The following COX10 variants were observed in gnomAD, a reference collection of about 807,000 sequenced individuals.
The protein encoded by COX10 is protoheme IX farnesyltransferase, mitochondrial.
Under a neutral mutation model 37.3 loss-of-function variants are expected in COX10, and 27 were observed. The observed-to-expected ratio is 0.72, with a 90% CI of 0.53 to 1.00. The LOEUF (loss-of-function observed/expected upper bound fraction) is 1.00. Ranked by LOEUF, COX10 falls within the 50% of genes least tolerant of loss-of-function variation. The pLI is 0.00. For missense variants in COX10, 475 were observed against 563.2 expected (o/e 0.84, Z 1.59); for synonymous variants, 222 against 229.1 (o/e 0.97, Z 0.28).
At chr17:14,147,414 C>T (rs890914030) in intron 4 of COX10, among the ~76,000 whole-genome samples, 17 of 151,964 alleles carry the variant, frequency 1.1e-4, no homozygotes, top group Admixed American at 6.6e-4. Context: ...ACAAACATTG[C>T]GTATTCTCAC....
intron 4 of COX10, 30 bp downstream of exon 4, chr17:14,102,272 T>TGAAAA: frequency 4.3e-6 from 7 of 1,613,070 alleles, no homozygotes; most frequent in African/African-American, 1.3e-5. Context: ...CTAAATTATG[T>TGAAAA]TATTGTCACT....
intron 5 of COX10, among the ~76,000 whole-genome samples, chr17:14,178,325 C>CT (rs1307027505): frequency 1.0e-5 from 1 of 99,120 alleles, no homozygotes; most frequent in Non-Finnish European, 2.5e-5. Flanking sequence ...CTGCCAGAGT[C>CT]TAACACTTAT....
At chr17:14,106,180 C>G (rs1019377436) in intron 4 of COX10, among the ~76,000 whole-genome samples, 2 of 151,994 alleles carry the variant, frequency 1.3e-5, no homozygotes, top group African/African-American at 4.8e-5. Flanking sequence ...CCGTGCCCAC[C>G]TAATTTTTGT....
rs36094568 is a variant in COX10, at chr17:14,186,985, G to GTTT, written c.696-4994_696-4992dup. 8.3e-3 allele frequency among the ~76,000 whole-genome samples: 1,232 copies of GTTT among 148,808 alleles called. 18 individuals are homozygous for GTTT. The highest frequency in any genetic ancestry group is 0.029 in the African/African-American group (1,159 of 40,502). On this transcript the variant is annotated intron_variant, in intron 5 of 6. Coordinates refer to ENST00000261643, the MANE Select transcript of COX10 (RefSeq NM_001303.4). Reference sequence around the variant, plus strand: ...CTCAGTAAACTTGTCTTATTTTAAGGTTTTTTTTTTTTAAGAAACTCAATA... The same window carrying GTTT: ...CTCAGTAAACTTGTCTTATTTTAAGGTTTTTTTTTTTTTTTAAGAAACTCAATA...
chr17:14,200,338 C>T (rs538437092), intron 6 of COX10, among the ~76,000 whole-genome samples: 2 of 152,270 alleles, frequency 1.3e-5, no homozygotes, highest in South Asian at 4.1e-4. Flanking sequence ...CGATTCTCCT[C>T]CAGTCTGTAT....
intron 4 of COX10, among the ~76,000 whole-genome samples, chr17:14,127,555 T>C (rs1170833311): frequency 6.6e-6 from 1 of 152,184 alleles, no homozygotes; most frequent in Non-Finnish European, 1.5e-5. Context: ...AAAATTCAAG[T>C]GCAGTTAATG....
intron 4 of COX10, among the ~76,000 whole-genome samples, chr17:14,119,141 T>C (rs1916175638): frequency 6.6e-6 from 1 of 152,186 alleles, no homozygotes; most frequent in African/African-American, 2.4e-5. Context: ...TTTGCTCATA[T>C]GCAGAGTGTG....
Position 14,191,232 on chromosome 17 carries a change from AT to A in COX10, c.696-756del, listed in dbSNP as rs533262598. 2.5e-4 allele frequency among the ~76,000 whole-genome samples: 38 copies of A among 151,946 alleles called. No homozygotes were observed. The South Asian group carries it at 7.8e-3, about 31-fold the overall frequency. On this transcript the variant is annotated intron_variant, in intron 5 of 6. Coordinates refer to ENST00000261643, the MANE Select transcript of COX10 (RefSeq NM_001303.4). ...GTTGGCTCTTTTGAGAAACAGGCTT[AT>A]AATAATCATTATCATTGTAGAGTTT...
chr17:14,079,537 T>C (rs1156418875), intron 3 of COX10, among the ~76,000 whole-genome samples: 2 of 152,196 alleles, frequency 1.3e-5, no homozygotes, highest in African/African-American at 4.8e-5. Flanking sequence ...CATATTGGCA[T>C]GTATATCAGG....
intron 4 of COX10, among the ~76,000 whole-genome samples, chr17:14,119,458 T>C (rs751598937): frequency 7.9e-5 from 12 of 152,154 alleles, no homozygotes; most frequent in Non-Finnish European, 1.8e-4. Context: ...CGATCTTTGC[T>C]CTCAGTGGAC....
At chr17:14,070,908 G>A (rs1915006108) in intron 1 of COX10, among the ~76,000 whole-genome samples, 1 of 152,212 alleles carries the variant, frequency 6.6e-6, no homozygotes, top group Non-Finnish European at 1.5e-5. Context: ...TGGAGAGGTA[G>A]AATAGATTGG....
At chr17:14,077,483 T>C (rs989226894) in intron 3 of COX10, among the ~76,000 whole-genome samples, 3 of 152,262 alleles carry the variant, frequency 2.0e-5, no homozygotes, top group African/African-American at 7.2e-5. Flanking sequence ...TTGCTTCTTG[T>C]AGAGCCTCTG....
At chr17:14,086,216 A>G (rs188571614) in intron 3 of COX10, among the ~76,000 whole-genome samples, 28 of 152,188 alleles carry the variant, frequency 1.8e-4, no homozygotes, top group African/African-American at 6.3e-4. Flanking sequence ...TTTTTATACT[A>G]TGCTTAGACT....
intron 6 of COX10, among the ~76,000 whole-genome samples, chr17:14,196,313 T>A (rs1906365433): frequency 6.6e-6 from 1 of 152,202 alleles, no homozygotes; most frequent in Non-Finnish European, 1.5e-5. Context: ...TTGAGTGATC[T>A]AAGAGCTTTA....
At chr17:14,137,100 C>G (rs1454291259) in intron 4 of COX10, among the ~76,000 whole-genome samples, 1 of 151,586 alleles carries the variant, frequency 6.6e-6, no homozygotes, top group African/African-American at 2.4e-5. Flanking sequence ...AGAAGGCAGG[C>G]CTTCTTCTCA....
chr17:14,115,802 A>G (rs1403139683), intron 4 of COX10, among the ~76,000 whole-genome samples: 1 of 152,216 alleles, frequency 6.6e-6, no homozygotes, highest in Non-Finnish European at 1.5e-5. Context: ...GTTTTCATTT[A>G]TAAGTGGAAA....
chr17:14,198,107 G>C (rs1006297484), intron 6 of COX10, among the ~76,000 whole-genome samples: 1 of 152,158 alleles, frequency 6.6e-6, no homozygotes, highest in Non-Finnish European at 1.5e-5. Context: ...CCAGCTTGTT[G>C]TCACAGGAAC....
chr17:14,086,003 G>T (rs1481563810), intron 3 of COX10, among the ~76,000 whole-genome samples: 1 of 152,006 alleles, frequency 6.6e-6, no homozygotes, highest in Non-Finnish European at 1.5e-5. Flanking sequence ...TTTGTTGATG[G>T]CATGTTTGCC....
chr17:14,098,726 CAG>C (rs1026985499), intron 3 of COX10, among the ~76,000 whole-genome samples: 7 of 152,252 alleles, frequency 4.6e-5, no homozygotes, highest in African/African-American at 1.7e-4. Context: ...CTACTGTTTT[CAG>C]AGTCAGTAAT....
Sources: allele counts gnomAD v4.1 joint callset (sites outside exome capture counted in the v4.1 genomes callset), GRCh38; gene constraint gnomAD v4.1.1; transcripts MANE v1.5; gene names NCBI Gene and HGNC (gene_info 2026-07-23, HGNC 2026-07-21).